CLDN14: variants seen among roughly 807,000 people sequenced by gnomAD.
CLDN14 encodes claudin 14.
Under a neutral mutation model 2.1 loss-of-function variants are expected in CLDN14, and 2 were observed. The observed-to-expected ratio is 0.96, with a 90% CI of 0.39 to 3.01. The LOEUF (loss-of-function observed/expected upper bound fraction) is 3.01, where lower values mean the gene tolerates loss of function less well. Among genes scored for constraint, CLDN14 ranks in the 30% most tolerant of loss-of-function variants. The probability of loss-of-function intolerance (pLI) is 0.09; values close to 1 mark genes in which losing one functional copy is unlikely to be tolerated. For synonymous variants in CLDN14, 136 were observed against 154.4 expected, an observed-to-expected ratio of 0.88 and a Z score of 0.88; for missense variants, 298 against 328.0, an observed-to-expected ratio of 0.91 and a Z score of 0.71.
Position 36,499,051 on chromosome 21 carries a change from A to G in CLDN14, c.-82+11312T>C, listed in dbSNP as rs79921887. Among the ~76,000 whole-genome samples, 1,340 of 152,240 alleles carry G rather than the reference A, an allele frequency of 8.8e-3. 16 individuals are homozygous for G. The highest frequency in any genetic ancestry group is 0.031 in the African/African-American group (1,275 of 41,528). ...AGGGCACATGACAATCACCGATATG[A>G]CAGAAGGGTAACCTTTCTGGGGTTG... On this transcript the variant is annotated intron_variant, in intron 2 of 2. Transcript: ENST00000342108. This position sits in a 1 kb window ranked among gnomAD's most constrained non-coding sequence, Gnocchi z 4.7.
intron 1 of CLDN14, among the ~76,000 whole-genome samples, chr21:36,541,011 A>C (rs528242534): frequency 6.6e-6 from 1 of 152,318 alleles, no homozygotes; most frequent in South Asian, 2.1e-4. Flanking sequence ...TACACTTTGC[A>C]GGTAGAATTG....
chr21:36,540,865 G>A (rs1402603383), intron 1 of CLDN14, among the ~76,000 whole-genome samples: 1 of 152,190 alleles, frequency 6.6e-6, no homozygotes, highest in Non-Finnish European at 1.5e-5. Flanking sequence ...GTTTTAAAAG[G>A]CCACTATGGT....
At chr21:36,466,283 T>C (rs972337067) in intron 1 of CLDN14, 2 of 152,210 alleles carry the variant, frequency 1.3e-5, no homozygotes, top group Non-Finnish European at 2.9e-5. Flanking sequence ...TAGAGTGGGT[T>C]GCTGTATTAG....
At position 36,499,256 on chromosome 21, in the gene CLDN14, T is replaced by C. The variant is rs949539853; in HGVS notation, c.-82+11107A>G. Among the ~76,000 whole-genome samples, 16 of 152,108 alleles carry C rather than the reference T, an allele frequency of 1.1e-4. No homozygotes were observed. The highest frequency in any genetic ancestry group is 2.9e-5 in the Non-Finnish European group (2 of 68,018). On this transcript the variant is annotated intron_variant, in intron 2 of 2. Coordinates refer to the CLDN14 transcript ENST00000342108. The surrounding 1 kb of genome is among the most constrained non-coding windows in gnomAD (Gnocchi z 4.7). ...CATTGCTTTCAGCTTTCTCCAAGGT[T>C]TTTGTTTGTTTGTTTGTCGGTCTTA...
upstream of CLDN14, among the ~76,000 whole-genome samples, chr21:36,484,904 G>A (rs2086879695): frequency 6.6e-6 from 1 of 151,716 alleles, no homozygotes; most frequent in East Asian, 1.9e-4. Context: ...TGGAGGCGGG[G>A]TTTCTCCATG....
rs539646855 is a variant in CLDN14, at chr21:36,547,568, C to T, written c.-220+28843G>A. 2.0e-3 allele frequency among the ~76,000 whole-genome samples: 307 copies of T among 152,232 alleles called. 1 individual carries two copies. Among genetic ancestry groups the T allele is most frequent in the African/African-American group, 6.6e-3 (276 of 41,552 alleles). On this transcript the variant is annotated intron_variant, in intron 1 of 2. Coordinates refer to the CLDN14 transcript ENST00000342108. ...AATCAGAAACACGTGGAGAGGCGGCCGCTGCTCCCGGCATGATGGATCAAT... is the reference window on the plus strand; with the variant it reads ...AATCAGAAACACGTGGAGAGGCGGCTGCTGCTCCCGGCATGATGGATCAAT...
rs2086825894 is a variant in CLDN14 at position 36,479,886 on chromosome 21, C to T, written c.-473G>A. Reference sequence around the variant, plus strand: ...TCAGGATCAAGCCTCCCCTTCCCAGCCTGGCAGGGTTGCAGGGCGTCCATA... The same window carrying T: ...TCAGGATCAAGCCTCCCCTTCCCAGTCTGGCAGGGTTGCAGGGCGTCCATA... On this transcript the variant is annotated 5_prime_UTR_variant, in exon 1 of 2. Coordinates refer to ENST00000399135, the MANE Select transcript of CLDN14 (RefSeq NM_001146079.2). The T allele has an allele frequency of 6.6e-6, 1 of 152,374 alleles. No homozygotes were observed. The highest frequency in any genetic ancestry group is 6.5e-5 in the Admixed American group (1 of 15,290). 9.4% of individuals were successfully genotyped at this position (152,374 alleles called of 1,614,324 possible).
At chr21:36,522,606 G>T (rs1456382426) in intron 1 of CLDN14, among the ~76,000 whole-genome samples, 1 of 152,248 alleles carries the variant, frequency 6.6e-6, no homozygotes, top group Non-Finnish European at 1.5e-5. Flanking sequence ...AGAACAGGAT[G>T]CAGATGCGCG....
At position 36,521,380 on chromosome 21, in the gene CLDN14, C is replaced by T. The variant is rs138332686; in HGVS notation, c.-219-10880G>A. ...GGGGACATTTTATAAAGGCAGCTTC[C>T]CTCCTCTCCTGGGCTCACTGGTACA... On this transcript the variant is annotated intron_variant, in intron 1 of 2. Coordinates refer to the CLDN14 transcript ENST00000342108. Among the ~76,000 whole-genome samples, 469 of 152,250 alleles carry T rather than the reference C, an allele frequency of 3.1e-3. 2 individuals are homozygous for T. The highest frequency in any genetic ancestry group is 0.011 in the African/African-American group (444 of 41,554).
chr21:36,520,912 C>A (rs996184249), intron 1 of CLDN14, among the ~76,000 whole-genome samples: 1 of 152,096 alleles, frequency 6.6e-6, no homozygotes, highest in East Asian at 1.9e-4. Context: ...ATGGACTGGG[C>A]TCACTGATCT....
rs371297575 is a variant in CLDN14 at position 36,461,074 on chromosome 21, C to G, written c.622G>C (p.Ala208Pro). ...PRATTTTANT[A>P]PAYQPPAAYK... is the part of the protein sequence containing the mutation. Reference sequence around the variant, plus strand: ...GCAGCTGGTGGCTGGTAGGCAGGTGCGGTGTTTGCAGTGGTCGTGGTGGCC... The same window carrying G: ...GCAGCTGGTGGCTGGTAGGCAGGTGGGGTGTTTGCAGTGGTCGTGGTGGCC... Residue 208 changes from alanine to proline, a missense_variant, in exon 2 of 2, where the codon GCA becomes CCA. Physicochemically the swap from Ala to Pro is conservative, Grantham distance 27. Transcript: ENST00000399135. The G allele has an allele frequency of 6.2e-7, 1 of 1,614,064 alleles. No individual in the cohort carries two copies. Among genetic ancestry groups the G allele is most frequent in the Non-Finnish European group, 8.5e-7 (1 of 1,179,972 alleles).
rs181332155 is a variant in CLDN14 at position 36,544,792 on chromosome 21, G to A, written c.-220+31619C>T. Among the ~76,000 whole-genome samples, 266 of 152,316 alleles carry A rather than the reference G, an allele frequency of 1.7e-3. 1 individual carries two copies. Among genetic ancestry groups the A allele is most frequent in the African/African-American group, 5.9e-3 (244 of 41,558 alleles). On this transcript the variant is annotated intron_variant, in intron 1 of 2. Coordinates refer to the CLDN14 transcript ENST00000342108. This position sits in a 1 kb window ranked among gnomAD's most constrained non-coding sequence, Gnocchi z 4.1. ...CAGGGGCAAGACTGCAAGGACATCC[G>A]CGAAGTAAGACATGTGCACAGAGCA...
chr21:36,518,572 C>T (rs2087246032), intron 1 of CLDN14, among the ~76,000 whole-genome samples: 1 of 151,012 alleles, frequency 6.6e-6, no homozygotes, highest in Admixed American at 6.7e-5. Flanking sequence ...GAACTCCAGC[C>T]TGGGTGACAG....
Position 36,512,078 on chromosome 21 carries a change from C to T in CLDN14, c.-219-1578G>A, listed in dbSNP as rs1052561744. 3.3e-5 allele frequency among the ~76,000 whole-genome samples: 5 copies of T among 152,122 alleles called. No individual in the cohort carries two copies. In the East Asian group the frequency reaches 5.8e-4, roughly 18 times the overall value. On this transcript the variant is annotated intron_variant, in intron 1 of 2. Transcript: ENST00000342108. ...CTGTTAATGACTCTGCCCTGATGCT[C>T]CTATGTGAGCAGAACAAAGAGATAA... is the stretch of plus-strand genomic sequence containing the variant.
Position 36,567,312 on chromosome 21 carries a change from G to A in CLDN14, c.-220+9099C>T, listed in dbSNP as rs140984138. Among the ~76,000 whole-genome samples, 450 of 152,308 alleles carry A rather than the reference G, an allele frequency of 3.0e-3. 4 individuals are homozygous for A. The highest frequency in any genetic ancestry group is 0.01 in the African/African-American group (427 of 41,568). ...GCCCTTGGAAGGGAAAGTTGATGTA[G>A]AATAGCAATAAATCTCCAAGGCACA... On this transcript the variant is annotated intron_variant, in intron 1 of 2. Coordinates refer to the CLDN14 transcript ENST00000342108.
At chr21:36,476,116 T>G (rs1032286890) in intron 1 of CLDN14, among the ~76,000 whole-genome samples, 15 of 152,108 alleles carry the variant, frequency 9.9e-5, no homozygotes, top group Non-Finnish European at 2.2e-4. Flanking sequence ...TGGAGACAGG[T>G]GTCTCTGGCC....
At chr21:36,563,306 A>G (rs942774598) in intron 1 of CLDN14, among the ~76,000 whole-genome samples, 2 of 152,176 alleles carry the variant, frequency 1.3e-5, no homozygotes, top group Non-Finnish European at 2.9e-5. Flanking sequence ...TAAATCCTAA[A>G]TCACTACATA....
At chr21:36,471,742 T>A (rs2086713433) in intron 1 of CLDN14, among the ~76,000 whole-genome samples, 2 of 152,244 alleles carry the variant, frequency 1.3e-5, no homozygotes, top group African/African-American at 4.8e-5. Flanking sequence ...CACACCTGGC[T>A]GAAAACCTTC....
intron 1 of CLDN14, among the ~76,000 whole-genome samples, chr21:36,563,898 T>A (rs896249090): frequency 6.6e-6 from 1 of 152,176 alleles, no homozygotes; most frequent in Non-Finnish European, 1.5e-5. Context: ...ACGCCATATT[T>A]GAATTATGTT....
Sources: allele counts gnomAD v4.1 joint callset (sites outside exome capture counted in the v4.1 genomes callset), GRCh38; gene constraint gnomAD v4.1.1; non-coding constraint Gnocchi (gnomAD v3.1); transcripts MANE v1.5; gene names NCBI Gene and HGNC (gene_info 2026-07-23, HGNC 2026-07-21).